Variants in ERC2 observed in about 807,000 individuals in gnomAD.
The protein encoded by ERC2 is ELKS/RAB6-interacting/CAST family member 2.
Under a neutral mutation model 114.8 loss-of-function variants are expected in ERC2, and 42 were observed. That is an observed-to-expected ratio of 0.37 (90% CI 0.29 to 0.47). The LOEUF is 0.47. Ranked by LOEUF, ERC2 falls within the 20% of genes least tolerant of loss-of-function variation. The pLI, the probability that ERC2 is intolerant of heterozygous loss-of-function variation, is 0.99. For synonymous variants in ERC2, 454 were observed against 425.5 expected (o/e 1.07, Z -0.82); for missense variants, 939 against 1,150.7 (o/e 0.82, Z 2.66).
intron 3 of ERC2, among the ~76,000 whole-genome samples, chr3:56,176,416 A>G (rs2082982236): frequency 6.6e-6 from 1 of 152,236 alleles, no homozygotes; most frequent in African/African-American, 2.4e-5. Context: ...AACATGCAAT[A>G]AAAAAGCTAA....
At chr3:55,847,524 G>GCA (rs2061416035) in intron 14 of ERC2, among the ~76,000 whole-genome samples, 1 of 152,150 alleles carries the variant, frequency 6.6e-6, no homozygotes, top group African/African-American at 2.4e-5. Context: ...GTGCTCCACA[G>GCA]CTATTAAAAA....
At chr3:56,179,545 T>C (rs183976579) in intron 3 of ERC2, among the ~76,000 whole-genome samples, 1 of 152,138 alleles carries the variant, frequency 6.6e-6, no homozygotes, top group African/African-American at 2.4e-5. Context: ...CAAGGCATGA[T>C]AGAACCTTGG....
chr3:55,611,115 A>T (rs773038244), intron 17 of ERC2, among the ~76,000 whole-genome samples: 8 of 152,268 alleles, frequency 5.3e-5, no homozygotes, highest in Non-Finnish European at 1.2e-4. Context: ...ATTTAAAATA[A>T]GCAAAATTGA....
chr3:55,831,595 C>T (rs2060589159), intron 14 of ERC2, among the ~76,000 whole-genome samples: 2 of 152,254 alleles, frequency 1.3e-5, no homozygotes, highest in South Asian at 2.1e-4. Flanking sequence ...ATAGTCTAAA[C>T]ATATCAATTA....
At chr3:55,577,015 T>TTGCCAACAGGCTATTGTCTGCCC (rs1221848685) in intron 17 of ERC2, among the ~76,000 whole-genome samples, 15 of 152,364 alleles carry the variant, frequency 9.8e-5, no homozygotes, top group African/African-American at 3.6e-4. Context: ...GACGTCTGGC[T>TTGCCAACAGGCTATTGTCTGCCC]TGCCAACAGG....
intron 15 of ERC2, among the ~76,000 whole-genome samples, chr3:55,724,032 T>A (rs1205061504): frequency 6.6e-6 from 1 of 152,082 alleles, no homozygotes; most frequent in Non-Finnish European, 1.5e-5. Context: ...AAAACCTGGT[T>A]TTATATGTTA....
At chr3:56,160,824 TC>T (rs1284780119) in intron 4 of ERC2, among the ~76,000 whole-genome samples, 1 of 152,238 alleles carries the variant, frequency 6.6e-6, no homozygotes, top group Non-Finnish European at 1.5e-5. Flanking sequence ...TCTATTCTAT[TC>T]CACTGGTCTA....
At chr3:55,567,744 A>G (rs888666415) in intron 17 of ERC2, among the ~76,000 whole-genome samples, 2 of 152,160 alleles carry the variant, frequency 1.3e-5, no homozygotes. Flanking sequence ...CCAGTGGCCA[A>G]TGGAAGCAGG....
At position 55,704,593 on chromosome 3, in the gene ERC2, A is replaced by T. The variant is rs1313419864; in HGVS notation, c.2713-5081T>A. On this transcript the variant is annotated intron_variant, in intron 15 of 17. Transcript: ENST00000288221. ...TCCAAGTAAAAGATGAGCAAACCAG[A>T]CAAGAATGGGATGGCTAGGAGAGGA... 4.6e-5 allele frequency among the ~76,000 whole-genome samples: 7 copies of T among 152,342 alleles called. No individual in the cohort carries two copies. The East Asian group carries it at 1.4e-3, about 29-fold the overall frequency.
intron 3 of ERC2, among the ~76,000 whole-genome samples, chr3:56,243,769 G>A (rs1020920051): frequency 6.6e-6 from 1 of 152,190 alleles, no homozygotes; most frequent in African/African-American, 2.4e-5. Flanking sequence ...TGCTCTATAA[G>A]GGGAGCTATT....
intron 6 of ERC2, among the ~76,000 whole-genome samples, chr3:56,096,567 TATAG>T (rs112264324): frequency 3.9e-5 from 6 of 152,344 alleles, no homozygotes; most frequent in African/African-American, 1.4e-4. Context: ...TTCTGACATA[TATAG>T]ATAGATATTT....
chr3:55,714,661 GTGTGTGTATATATATATATATATA>G (rs1233639023), intron 15 of ERC2, among the ~76,000 whole-genome samples: 1,831 of 71,746 alleles, frequency 0.026, 47 homozygotes, highest in Middle Eastern at 0.07. Context: ...GTGTGTGTGT[GTGTGTGTATATATATATATATATA>G]TATATATATA....
Position 55,713,761 on chromosome 3 carries a change from T to C in ERC2, c.2713-14249A>G, listed in dbSNP as rs2063921266. On this transcript the variant is annotated intron_variant, in intron 15 of 17. Coordinates refer to ENST00000288221, the MANE Select transcript of ERC2 (RefSeq NM_015576.3). ...TCCCTATAGAGGTGACAGGATTCCC[T>C]AATCAACCTGCCTATTATAAAGCTG... 2.0e-5 allele frequency among the ~76,000 whole-genome samples: 3 copies of C among 152,320 alleles called. No homozygotes were observed. The South Asian group carries it at 6.2e-4, about 32-fold the overall frequency.
At chr3:55,861,581 AT>A (rs898589349) in intron 14 of ERC2, among the ~76,000 whole-genome samples, 2 of 151,676 alleles carry the variant, frequency 1.3e-5, no homozygotes, top group Non-Finnish European at 2.9e-5. Context: ...AGTTATCCTA[AT>A]TTTTTTTTCA....
In ERC2 at chr3:56,053,869, C is replaced by A. The variant is rs190632217; in HGVS notation, c.1641+26948G>T. Among the ~76,000 whole-genome samples the A allele has an allele frequency of 1.8e-3, 279 of 152,142 alleles. 1 individual carries two copies. The highest frequency in any genetic ancestry group is 3.3e-3 in the Non-Finnish European group (223 of 68,016). On this transcript the variant is annotated intron_variant, in intron 7 of 17. Transcript: ENST00000288221. Reference sequence around the variant, plus strand: ...ACTTCAAAGCTCTTGAAGCAGTTTACATTTCTCCCCTCTTAATTCCAGGCA... The same window carrying A: ...ACTTCAAAGCTCTTGAAGCAGTTTAAATTTCTCCCCTCTTAATTCCAGGCA...
In ERC2 at chr3:55,537,148, G is replaced by A. The variant is rs533936363; in HGVS notation, c.*40-25872C>T. Among the ~76,000 whole-genome samples the A allele has an allele frequency of 7.2e-5, 11 of 152,278 alleles. No individual in the cohort carries two copies. The East Asian group carries it at 1.4e-3, about 19-fold the overall frequency. The stretch of plus-strand genomic sequence containing the variant: ...GCTGGGAGGCCGCATGGGCTCCACC[G>A]ACACCGGTAACTCACTGCAGACCAG... On this transcript the variant is annotated intron_variant, in intron 17 of 17. Transcript: ENST00000288221.
intron 17 of ERC2, among the ~76,000 whole-genome samples, chr3:55,649,970 C>T (rs1399798376): frequency 6.6e-6 from 1 of 152,208 alleles, no homozygotes; most frequent in Non-Finnish European, 1.5e-5. Flanking sequence ...GGGAGGGGCA[C>T]AAGGCTCTGG....
At chr3:56,367,820 T>TA (rs988181332) in intron 2 of ERC2, among the ~76,000 whole-genome samples, 4 of 150,480 alleles carry the variant, frequency 2.7e-5, no homozygotes, top group African/African-American at 9.8e-5. Flanking sequence ...TTTTCACAAT[T>TA]AAAAAAAATC....
At chr3:56,390,212 T>C (rs1415399362) in intron 2 of ERC2, among the ~76,000 whole-genome samples, 1 of 152,176 alleles carries the variant, frequency 6.6e-6, no homozygotes, top group Non-Finnish European at 1.5e-5. Context: ...CACTATATTT[T>C]ACACTGCATA....
Sources: allele counts gnomAD v4.1 joint callset (sites outside exome capture counted in the v4.1 genomes callset), GRCh38; gene constraint gnomAD v4.1.1; transcripts MANE v1.5; gene names NCBI Gene and HGNC (gene_info 2026-07-23, HGNC 2026-07-21).